VKORC1L1: variants seen among roughly 807,000 people sequenced by gnomAD.
VKORC1L1 encodes the protein vitamin K epoxide reductase complex subunit 1L1.
In VKORC1L1, 2 loss-of-function variants were observed where a neutral mutation model predicts 18.9. That is an observed-to-expected ratio of 0.11 (90% CI 0.04 to 0.33). The LOEUF (loss-of-function observed/expected upper bound fraction) is 0.33, where lower values mean the gene tolerates loss of function less well. Among genes scored for constraint, VKORC1L1 ranks in the 10% least tolerant of loss-of-function variants. VKORC1L1 has a pLI of 1.00. For missense variants in VKORC1L1, 123 were observed against 224.1 expected (o/e 0.55, Z 2.88); for synonymous variants, 96 against 100.0 (o/e 0.96, Z 0.24).
rs533383229 is a variant in VKORC1L1, at chr7:65,876,153, G to T, written c.194+2588G>T. On this transcript the variant is annotated intron_variant, in intron 1 of 2. Coordinates refer to ENST00000360768, the MANE Select transcript of VKORC1L1 (RefSeq NM_173517.6). ...TTTTCAATTCTACCATGTACAGCCAGTAAAAACAATAACACACCACTATCT... is the reference window on the plus strand; with the variant it reads ...TTTTCAATTCTACCATGTACAGCCATTAAAAACAATAACACACCACTATCT... 3.1e-4 allele frequency among the ~76,000 whole-genome samples: 47 copies of T among 152,278 alleles called. 2 individuals carry two copies. In the South Asian group the frequency reaches 9.5e-3, roughly 31 times the overall value.
chr7:65,913,136 T>C (rs1789527127), intron 1 of VKORC1L1, among the ~76,000 whole-genome samples: 1 of 152,188 alleles, frequency 6.6e-6, no homozygotes, highest in African/African-American at 2.4e-5. Flanking sequence ...ATCTGAAATG[T>C]GTATGTCAGA....
At chr7:65,896,331 G>A (rs1789211836) in intron 1 of VKORC1L1, among the ~76,000 whole-genome samples, 2 of 151,894 alleles carry the variant, frequency 1.3e-5, no homozygotes, top group East Asian at 3.9e-4. Context: ...TCTATATTTT[G>A]GCTAAAGTGA....
chr7:65,881,530 A>AT (rs1274784439), intron 1 of VKORC1L1, among the ~76,000 whole-genome samples: 1 of 152,198 alleles, frequency 6.6e-6, no homozygotes, highest in African/African-American at 2.4e-5. Context: ...AAGTGGTAGC[A>AT]TGAGGGAGCT....
intron 1 of VKORC1L1, among the ~76,000 whole-genome samples, chr7:65,894,346 A>G (rs1789156896): frequency 6.6e-6 from 1 of 152,060 alleles, no homozygotes; most frequent in Admixed American, 6.5e-5. Flanking sequence ...TAATTTCTCC[A>G]TGTGTTTTGA....
At chr7:65,908,209 T>C (rs909022509) in intron 1 of VKORC1L1, among the ~76,000 whole-genome samples, 6 of 151,874 alleles carry the variant, frequency 4.0e-5, no homozygotes, top group Admixed American at 3.9e-4. Context: ...GGTCAGAAGT[T>C]CGAGACCAAC....
chr7:65,943,517 T>C (rs1790069762), intron 1 of VKORC1L1, among the ~76,000 whole-genome samples: 1 of 152,246 alleles, frequency 6.6e-6, no homozygotes, highest in South Asian at 2.1e-4. Flanking sequence ...TGTACCCATC[T>C]AAGCCTCATA....
chr7:65,929,682 G>GTGTATATATATATATATATATA (rs370107880), intron 1 of VKORC1L1, among the ~76,000 whole-genome samples: 2 of 128,612 alleles, frequency 1.6e-5, no homozygotes, highest in Non-Finnish European at 3.2e-5. Flanking sequence ...GTGTGTGTGT[G>GTGTATATATATATATATATATA]TATATATATA....
chr7:65,876,064 C>T (rs1349326372), intron 1 of VKORC1L1, among the ~76,000 whole-genome samples: 6 of 152,024 alleles, frequency 3.9e-5, no homozygotes, highest in African/African-American at 2.4e-5. Flanking sequence ...ATGGAAAGTT[C>T]CAGATTTTAT....
At chr7:65,914,728 T>C (rs1789558040) in intron 1 of VKORC1L1, among the ~76,000 whole-genome samples, 3 of 152,148 alleles carry the variant, frequency 2.0e-5, no homozygotes, top group African/African-American at 4.8e-5. Context: ...GGCTGGGTGT[T>C]GTGTCTCAAC....
intron 1 of VKORC1L1, among the ~76,000 whole-genome samples, chr7:65,886,851 T>G (rs867845976): frequency 2.2e-5 from 3 of 135,770 alleles, no homozygotes; most frequent in Admixed American, 7.5e-5. Flanking sequence ...TTTTTTTTTT[T>G]TTTTTTTTTT....
intron 1 of VKORC1L1, among the ~76,000 whole-genome samples, chr7:65,880,037 T>C (rs2116329736): frequency 6.6e-6 from 1 of 152,140 alleles, no homozygotes; most frequent in South Asian, 2.1e-4. Context: ...CTATTTTTCA[T>C]AGTGACGAGG....
In VKORC1L1 at chr7:65,957,475, TC is replaced by T. The variant is rs11296119; in HGVS notation, c.*3184del. The T allele has an allele frequency of 0.36, 46,218 of 126,776 alleles. 8,309 individuals are homozygous for T. The highest frequency in any genetic ancestry group is 0.51 in the East Asian group (2,246 of 4,366). The allele number at this position is 126,776 out of a possible 1,614,324, so 7.9% of individuals were successfully genotyped here. ...CAGCCTGGCCAACAGAGCGAGACTG[TC>T]CCCCCCCCAAAAAAAAAAGAGAGAG... is the stretch of plus-strand genomic sequence containing the variant. On this transcript the variant is annotated 3_prime_UTR_variant, in exon 3 of 3. Coordinates refer to ENST00000360768, the MANE Select transcript of VKORC1L1 (RefSeq NM_173517.6).
chr7:65,911,811 G>A (rs1235809767), intron 1 of VKORC1L1, among the ~76,000 whole-genome samples: 2 of 152,170 alleles, frequency 1.3e-5, no homozygotes, highest in African/African-American at 4.8e-5. Context: ...TCATAGACCA[G>A]CACTGGTTTG....
the VKORC1L1 span, among the ~76,000 whole-genome samples, chr7:65,867,453 ATCT>A: frequency 1.3e-5 from 2 of 152,010 alleles, no homozygotes; most frequent in South Asian, 4.1e-4. Flanking sequence ...GCTTAAAATC[ATCT>A]TTTTTTTTTC....
At chr7:65,922,004 G>T (rs1789684184) in intron 1 of VKORC1L1, among the ~76,000 whole-genome samples, 1 of 152,060 alleles carries the variant, frequency 6.6e-6, no homozygotes, top group South Asian at 2.1e-4. Context: ...TTACCCTGCA[G>T]GTTATACCAT....
At chr7:65,899,464 G>C (rs1398944629) in intron 1 of VKORC1L1, among the ~76,000 whole-genome samples, 1 of 152,204 alleles carries the variant, frequency 6.6e-6, no homozygotes, top group Non-Finnish European at 1.5e-5. Context: ...GCCCTCTGCA[G>C]TAATGTTTTT....
At chr7:65,904,518 G>T (rs1056925447) in intron 1 of VKORC1L1, among the ~76,000 whole-genome samples, 6 of 152,074 alleles carry the variant, frequency 3.9e-5, no homozygotes, top group African/African-American at 1.4e-4. Flanking sequence ...ACCTTACTAA[G>T]GTTCTTAAGC....
chr7:65,890,972 G>A (rs1270035170), intron 1 of VKORC1L1, among the ~76,000 whole-genome samples: 4 of 152,152 alleles, frequency 2.6e-5, no homozygotes, highest in African/African-American at 9.7e-5. Flanking sequence ...CCAGAAAGAA[G>A]CTGCTATTCT....
intron 1 of VKORC1L1, among the ~76,000 whole-genome samples, chr7:65,895,989 G>A (rs1409221060): frequency 3.4e-5 from 5 of 144,964 alleles, no homozygotes; most frequent in Non-Finnish European, 7.5e-5. Flanking sequence ...TCCGCCTCCC[G>A]GGTTCAAGCG....
Sources: allele counts gnomAD v4.1 joint callset (sites outside exome capture counted in the v4.1 genomes callset), GRCh38; gene constraint gnomAD v4.1.1; transcripts MANE v1.5; gene names NCBI Gene and HGNC (gene_info 2026-07-23, HGNC 2026-07-21).